Variants in SLC14A2 observed in about 807,000 individuals in gnomAD.
SLC14A2 encodes solute carrier family 14 member 2.
SLC14A2 carries 91 observed loss-of-function variants against 104.6 expected under a neutral mutation model. The ratio of observed to expected loss-of-function variants is 0.87; its 90% CI spans 0.73 to 1.04. The LOEUF (loss-of-function observed/expected upper bound fraction) is 1.04, where lower values mean the gene tolerates loss of function less well. Ranked by LOEUF, SLC14A2 falls within the 50% of genes least tolerant of loss-of-function variation. The pLI, the probability that SLC14A2 is intolerant of heterozygous loss-of-function variation, is 0.00. For missense variants in SLC14A2, 1,189 were observed against 1,156.0 expected, an observed-to-expected ratio of 1.03 and a Z score of -0.41; for synonymous variants, 476 against 466.4, an observed-to-expected ratio of 1.02 and a Z score of -0.27.
chr18:45,211,039 C>A (rs150786444), upstream of SLC14A2, among the ~76,000 whole-genome samples: 925 of 152,204 alleles, frequency 6.1e-3, 26 homozygotes, highest in Admixed American at 0.053. Context: ...TCCTATTTTC[C>A]CCTTTTCCCG....
intron 2 of SLC14A2, among the ~76,000 whole-genome samples, chr18:45,550,943 T>C (rs924245904): frequency 1.3e-4 from 20 of 152,280 alleles, no homozygotes; most frequent in African/African-American, 4.3e-4. Flanking sequence ...CCTGCTGTAG[T>C]GACTTCAGAG....
intron 1 of SLC14A2, among the ~76,000 whole-genome samples, chr18:45,355,711 G>C (rs2085547238): frequency 6.6e-6 from 1 of 151,630 alleles, no homozygotes; most frequent in Non-Finnish European, 1.5e-5. Context: ...AAGGCTTACT[G>C]TTGCTTCAGA....
intron 2 of SLC14A2, among the ~76,000 whole-genome samples, chr18:45,572,448 T>A (rs2044361197): frequency 6.6e-6 from 1 of 152,214 alleles, no homozygotes; most frequent in South Asian, 2.1e-4. Context: ...TTCCAAGTTA[T>A]CTTCCACTAA....
chr18:45,618,867 G>A (rs2045118113), intron 1 of SLC14A2, among the ~76,000 whole-genome samples: 1 of 151,984 alleles, frequency 6.6e-6, no homozygotes, highest in Admixed American at 6.6e-5. Flanking sequence ...AGGGCAGCAG[G>A]AGCATACGAA....
At chr18:45,225,375 T>C (rs1310324518) in intron 1 of SLC14A2, among the ~76,000 whole-genome samples, 5 of 152,158 alleles carry the variant, frequency 3.3e-5, no homozygotes, top group Non-Finnish European at 4.4e-5. Flanking sequence ...ACCAGTACCA[T>C]GCTGTTTTGG....
At chr18:45,351,533 T>A (rs1314346186) in intron 1 of SLC14A2, among the ~76,000 whole-genome samples, 1 of 152,104 alleles carries the variant, frequency 6.6e-6, no homozygotes, top group African/African-American at 2.4e-5. Context: ...TTTGTTCATT[T>A]TTTTAAAGAC....
At chr18:45,169,393 A>G in the SLC14A2 span, among the ~76,000 whole-genome samples, 63 of 152,192 alleles carry the variant, frequency 4.1e-4, no homozygotes, top group Middle Eastern at 3.4e-3. Flanking sequence ...CTCACTCTAT[A>G]ATTGATCTGA....
chr18:45,210,803 A>T (rs1181817108), upstream of SLC14A2, among the ~76,000 whole-genome samples: 1 of 152,196 alleles, frequency 6.6e-6, no homozygotes, highest in Non-Finnish European at 1.5e-5. Flanking sequence ...ACCAATGTAT[A>T]GGGTTGTATT....
intron 2 of SLC14A2, among the ~76,000 whole-genome samples, chr18:45,553,167 C>T (rs1282815431): frequency 3.3e-5 from 5 of 152,172 alleles, no homozygotes; most frequent in African/African-American, 1.2e-4. Context: ...TAACAGTTAC[C>T]ATTTTGGCAT....
chr18:45,364,416 G>A (rs748130524), intron 1 of SLC14A2, among the ~76,000 whole-genome samples: 2 of 152,180 alleles, frequency 1.3e-5, no homozygotes, highest in Non-Finnish European at 2.9e-5. Context: ...TACTTCTCTT[G>A]ATCACTGTGA....
the SLC14A2 span, among the ~76,000 whole-genome samples, chr18:45,171,049 G>T: frequency 6.6e-6 from 1 of 152,102 alleles, no homozygotes; most frequent in African/African-American, 2.4e-5. Flanking sequence ...GAGATCTATA[G>T]GATCTGGGGA....
chr18:45,304,588 A>G (rs2084999280), intron 1 of SLC14A2, among the ~76,000 whole-genome samples: 1 of 152,248 alleles, frequency 6.6e-6, no homozygotes, highest in South Asian at 2.1e-4. Context: ...ACTTGTTAAA[A>G]TGCAAAGCCC....
rs185071603 is a variant in SLC14A2, at chr18:45,679,449, C to T, written c.2562+425C>T. ...TAAGGGGAGTCAAACCCCAACCAGG[C>T]GAGACAGAAGCCAGAGCTGAGGCTT... On this transcript the variant is annotated intron_variant, in intron 19 of 19. Transcript: ENST00000255226. Among the ~76,000 whole-genome samples the T allele has an allele frequency of 1.6e-3, 241 of 152,324 alleles. 2 individuals carry two copies. The highest frequency in any genetic ancestry group is 2.5e-3 in the Non-Finnish European group (169 of 68,042).
At chr18:45,552,107 G>C (rs2044064445) in intron 2 of SLC14A2, among the ~76,000 whole-genome samples, 1 of 152,154 alleles carries the variant, frequency 6.6e-6, no homozygotes. Flanking sequence ...CCCATACAGG[G>C]CTCTTGTCCA....
At chr18:45,366,406 CAGAG>C (rs2085666119) in intron 1 of SLC14A2, among the ~76,000 whole-genome samples, 2 of 152,284 alleles carry the variant, frequency 1.3e-5, no homozygotes, top group South Asian at 4.2e-4. Flanking sequence ...ATGTGACAAT[CAGAG>C]AGACAAAGGC....
intron 1 of SLC14A2, among the ~76,000 whole-genome samples, chr18:45,450,643 G>A (rs901771719): frequency 2.0e-4 from 30 of 152,206 alleles, no homozygotes; most frequent in Admixed American, 1.5e-3. Context: ...ATAACATCAC[G>A]CCCTCTGAAT....
At chr18:45,345,609 G>A (rs1251807373) in intron 1 of SLC14A2, among the ~76,000 whole-genome samples, 1 of 151,946 alleles carries the variant, frequency 6.6e-6, no homozygotes, top group Non-Finnish European at 1.5e-5. Flanking sequence ...GTGCATCATG[G>A]GTACTTCTCT....
intron 1 of SLC14A2, among the ~76,000 whole-genome samples, chr18:45,309,111 G>A (rs1035638469): frequency 1.3e-5 from 2 of 152,120 alleles, no homozygotes; most frequent in Non-Finnish European, 2.9e-5. Flanking sequence ...AAGAAGTTCT[G>A]CCTTTCTCTA....
rs763435570 is a variant in SLC14A2 at position 45,672,884 on chromosome 18, C to T, written c.2230-16C>T. On this transcript the variant is annotated splice_polypyrimidine_tract_variant and intron_variant, in intron 16 of 19. Transcript: ENST00000255226. ...TTTGCCTCCATAATGAGCATGTAAT[C>T]CTGTTATGCCTACAGCTTTTGAGAG... 5 of 1,608,964 alleles carry T rather than the reference C, an allele frequency of 3.1e-6. No individual in the cohort carries two copies. The South Asian group carries it at 5.5e-5, about 18-fold the overall frequency.
Sources: allele counts gnomAD v4.1 joint callset (sites outside exome capture counted in the v4.1 genomes callset), GRCh38; gene constraint gnomAD v4.1.1; transcripts MANE v1.5; gene names NCBI Gene and HGNC (gene_info 2026-07-23, HGNC 2026-07-21).